NRXN1: variants seen among roughly 807,000 people sequenced by gnomAD.
NRXN1 encodes neurexin-1.
NRXN1 carries 39 observed loss-of-function variants against 150.9 expected under a neutral mutation model. The observed-to-expected ratio is 0.26, with a 90% confidence interval of 0.20 to 0.34. The LOEUF (loss-of-function observed/expected upper bound fraction) is 0.34. NRXN1 is among the 10% of genes least tolerant of loss of function. The pLI, the probability that NRXN1 is intolerant of heterozygous loss-of-function variation, is 1.00. For missense variants in NRXN1, 1,815 were observed against 1,949.9 expected, an observed-to-expected ratio of 0.93 and a Z score of 1.30; for synonymous variants, 924 against 757.0, an observed-to-expected ratio of 1.22 and a Z score of -3.62.
chr2:50,331,399 C>T (rs1357747983), intron 17 of NRXN1, among the ~76,000 whole-genome samples: 1 of 151,986 alleles, frequency 6.6e-6, no homozygotes, highest in Non-Finnish European at 1.5e-5. Flanking sequence ...AAGGAGAATG[C>T]AGAGTGAGAT....
At chr2:50,953,438 C>T (rs1025322176) in intron 2 of NRXN1, among the ~76,000 whole-genome samples, 3 of 152,026 alleles carry the variant, frequency 2.0e-5, no homozygotes, top group Non-Finnish European at 4.4e-5. Context: ...AAGCATTTTA[C>T]GTCATCAGGA....
intron 17 of NRXN1, among the ~76,000 whole-genome samples, chr2:50,368,002 A>C (rs2153016481): frequency 6.6e-6 from 1 of 152,160 alleles, no homozygotes; most frequent in Non-Finnish European, 1.5e-5. Flanking sequence ...ACAAGCAACA[A>C]GTTCTTGATT....
intron 19 of NRXN1, 35 bp downstream of exon 19, chr2:50,091,288 T>C (rs1699518003): frequency 7.4e-6 from 12 of 1,612,874 alleles, no homozygotes; most frequent in Non-Finnish European, 1.0e-5. Context: ...TTGTTTTTCA[T>C]AAAATCTTCC....
At chr2:50,445,837 C>T (rs2086353977) in intron 17 of NRXN1, among the ~76,000 whole-genome samples, 1 of 152,144 alleles carries the variant, frequency 6.6e-6, no homozygotes, top group Admixed American at 6.6e-5. Context: ...AGGAGATTTT[C>T]TCAGGAGAAG....
At chr2:50,464,259 C>T (rs1346962231) in intron 17 of NRXN1, among the ~76,000 whole-genome samples, 1 of 151,702 alleles carries the variant, frequency 6.6e-6, no homozygotes, top group African/African-American at 2.4e-5. Context: ...AATATTTCTC[C>T]ATCTACAGTG....
intron 2 of NRXN1, among the ~76,000 whole-genome samples, chr2:51,009,038 A>G (rs964461597): frequency 1.3e-5 from 2 of 151,952 alleles, no homozygotes; most frequent in African/African-American, 2.4e-5. Flanking sequence ...ATTCTACTAA[A>G]TATCTTTAGT....
chr2:49,972,140 A>G (rs1295513075), intron 21 of NRXN1, among the ~76,000 whole-genome samples: 2 of 152,200 alleles, frequency 1.3e-5, no homozygotes, highest in Non-Finnish European at 2.9e-5. Context: ...GGGTTCAACT[A>G]GAATTTTGTA....
At chr2:50,034,842 T>C (rs1689776560) in intron 21 of NRXN1, among the ~76,000 whole-genome samples, 1 of 152,120 alleles carries the variant, frequency 6.6e-6, no homozygotes, top group African/African-American at 2.4e-5. Context: ...ACCTGAATAC[T>C]GTTATTCTAA....
At chr2:50,874,078 A>C (rs757995234) in intron 5 of NRXN1, among the ~76,000 whole-genome samples, 6 of 151,914 alleles carry the variant, frequency 3.9e-5, no homozygotes, top group Non-Finnish European at 5.9e-5. Flanking sequence ...ATGCTTAAAA[A>C]TTATTTGTTA....
chr2:50,782,655 A>G (rs543400317), intron 5 of NRXN1, among the ~76,000 whole-genome samples: 2 of 152,308 alleles, frequency 1.3e-5, no homozygotes, highest in East Asian at 1.9e-4. Flanking sequence ...CACTTAACAC[A>G]AACAACCTAT....
chr2:50,339,962 T>C (rs1209002680), intron 17 of NRXN1, among the ~76,000 whole-genome samples: 3 of 152,204 alleles, frequency 2.0e-5, no homozygotes, highest in Non-Finnish European at 4.4e-5. Flanking sequence ...TGGGACAAAT[T>C]TCAGGTCTTC....
intron 2 of NRXN1, among the ~76,000 whole-genome samples, chr2:50,963,273 C>T (rs774403169): frequency 7.3e-5 from 11 of 151,574 alleles, no homozygotes; most frequent in Non-Finnish European, 7.4e-5. Flanking sequence ...AAGAAAAACA[C>T]TGACTCAGAC....
intron 17 of NRXN1, among the ~76,000 whole-genome samples, chr2:50,421,474 G>T (rs1199063928): frequency 6.6e-6 from 1 of 152,028 alleles, no homozygotes; most frequent in Non-Finnish European, 1.5e-5. Flanking sequence ...ATATTCAAAA[G>T]AATCATTCTG....
chr2:50,405,777 T>C (rs1411727621), intron 17 of NRXN1, among the ~76,000 whole-genome samples: 2 of 152,174 alleles, frequency 1.3e-5, no homozygotes, highest in African/African-American at 2.4e-5. Flanking sequence ...GAGGAATTAA[T>C]TATATTTGTA....
At chr2:50,744,435 C>A (rs1390068159) in intron 5 of NRXN1, among the ~76,000 whole-genome samples, 1 of 151,878 alleles carries the variant, frequency 6.6e-6, no homozygotes, top group Non-Finnish European at 1.5e-5. Context: ...TTAATTATAA[C>A]AAGATATAAT....
At chr2:50,468,913 T>A (rs1283010778) in intron 16 of NRXN1, among the ~76,000 whole-genome samples, 5 of 151,660 alleles carry the variant, frequency 3.3e-5, no homozygotes, top group African/African-American at 1.2e-4. Flanking sequence ...CCTGTAGATA[T>A]AATGGAGCCT....
chr2:50,496,208 G>T, intron 14 of NRXN1, 113 bp from the exon 15 acceptor site: 1 of 704,898 alleles, frequency 1.4e-6, no homozygotes, highest in Non-Finnish European at 2.3e-6. Flanking sequence ...CTTACTAGAA[G>T]TCATGACAAT....
chr2:50,913,893 G>T (rs1252566998), intron 5 of NRXN1, among the ~76,000 whole-genome samples: 1 of 151,720 alleles, frequency 6.6e-6, no homozygotes, highest in Non-Finnish European at 1.5e-5. Context: ...TATAAACCGT[G>T]AAAACAACCA....
At chr2:50,353,804 G>A (rs2078596323) in intron 17 of NRXN1, among the ~76,000 whole-genome samples, 1 of 152,056 alleles carries the variant, frequency 6.6e-6, no homozygotes, top group African/African-American at 2.4e-5. Flanking sequence ...TATTACCATA[G>A]CCTCTGTTTC....
Sources: gnomAD v4.1 joint callset for allele counts (sites outside exome capture counted in the v4.1 genomes callset) on GRCh38, gnomAD v4.1.1 for gene constraint, MANE v1.5 for transcripts, NCBI Gene and HGNC (gene_info 2026-07-23, HGNC 2026-07-21) for gene names.